Variants in SMYD3 observed in about 807,000 individuals in gnomAD.
SMYD3 encodes the protein histone-lysine N-methyltransferase SMYD3.
Under a neutral mutation model 57.7 loss-of-function variants are expected in SMYD3, and 36 were observed. That is an observed-to-expected ratio of 0.62 (90% CI 0.48 to 0.82). SMYD3 has a LOEUF of 0.82. SMYD3 is among the 40% of genes least tolerant of loss of function. The probability of loss-of-function intolerance (pLI) is 0.00; values close to 1 mark genes in which losing one functional copy is unlikely to be tolerated. For missense variants in SMYD3, 515 were observed against 538.8 expected, an observed-to-expected ratio of 0.96 and a Z score of 0.44; for synonymous variants, 211 against 195.0, an observed-to-expected ratio of 1.08 and a Z score of -0.68.
At position 245,904,749 on chromosome 1, in the gene SMYD3, G is replaced by A. The variant is rs574911330; in HGVS notation, c.813+10781C>T. 8.0e-4 allele frequency among the ~76,000 whole-genome samples: 122 copies of A among 152,160 alleles called. 1 individual carries two copies. The highest frequency in any genetic ancestry group is 2.8e-3 in the African/African-American group (115 of 41,538). ...ACTTAGGGGGCATGCGACATACTGA[G>A]GCACCAGCTGGGACAGCCGAGAGAG... On this transcript the variant is annotated intron_variant, in intron 8 of 11. Coordinates refer to ENST00000490107, the MANE Select transcript of SMYD3 (RefSeq NM_001167740.2).
Position 246,287,655 on chromosome 1 carries a change from T to G in SMYD3, c.531+39546A>C, listed in dbSNP as rs540235211. On this transcript the variant is annotated intron_variant, in intron 5 of 11. Coordinates refer to ENST00000490107, the MANE Select transcript of SMYD3 (RefSeq NM_001167740.2). ...AGTATAGTAATTAGATTTGGGGGGG[T>G]TTTGTGTGGTTCCTTACACCTGACC... Among the ~76,000 whole-genome samples, 105 of 152,064 alleles carry G rather than the reference T, an allele frequency of 6.9e-4. 1 individual carries two copies. The highest frequency in any genetic ancestry group is 5.2e-3 in the Admixed American group (79 of 15,274).
chr1:246,229,838 C>T (rs1362705052), intron 5 of SMYD3, among the ~76,000 whole-genome samples: 1 of 152,136 alleles, frequency 6.6e-6, no homozygotes, highest in African/African-American at 2.4e-5. Flanking sequence ...GAGGGACAAA[C>T]ATTCAAATCA....
At chr1:245,850,302 C>T (rs1256056234) in intron 10 of SMYD3, among the ~76,000 whole-genome samples, 2 of 152,158 alleles carry the variant, frequency 1.3e-5, no homozygotes, top group African/African-American at 2.4e-5. Flanking sequence ...GTATAAAGAA[C>T]CCGAAAGTGT....
intron 5 of SMYD3, among the ~76,000 whole-genome samples, chr1:246,275,264 A>T (rs1394638831): frequency 1.3e-5 from 2 of 152,252 alleles, no homozygotes; most frequent in Non-Finnish European, 2.9e-5. Flanking sequence ...GATACATACA[A>T]GAACGGCATG....
At chr1:245,897,767 C>T (rs12144459) in intron 8 of SMYD3, among the ~76,000 whole-genome samples, 1 of 151,864 alleles carries the variant, frequency 6.6e-6, no homozygotes, top group East Asian at 1.9e-4. Context: ...TGTGGTGGTG[C>T]GCGGCGCCTG....
intron 1 of SMYD3, among the ~76,000 whole-genome samples, chr1:246,410,765 C>T (rs2066952868): frequency 6.6e-6 from 1 of 152,034 alleles, no homozygotes; most frequent in South Asian, 2.1e-4. Flanking sequence ...CTCCTTGTAC[C>T]TCTGGTAGAA....
chr1:246,489,853 G>T (rs1393783942), intron 1 of SMYD3, among the ~76,000 whole-genome samples: 1 of 151,658 alleles, frequency 6.6e-6, no homozygotes, highest in Non-Finnish European at 1.5e-5. Flanking sequence ...TATTTTTTTT[G>T]AGACAGAGTC....
At chr1:245,898,481 G>C (rs998475472) in intron 8 of SMYD3, among the ~76,000 whole-genome samples, 1 of 152,236 alleles carries the variant, frequency 6.6e-6, no homozygotes, top group Middle Eastern at 3.2e-3. Flanking sequence ...GGCAACCTAT[G>C]AGTATGAAGT....
chr1:246,049,208 T>TGCTTCTTAGACTCTGC (rs1166122853), intron 5 of SMYD3, among the ~76,000 whole-genome samples: 1 of 152,164 alleles, frequency 6.6e-6, no homozygotes, highest in Non-Finnish European at 1.5e-5. Context: ...AACGACTCTG[T>TGCTTCTTAGACTCTGC]GCTTCTTAGA....
chr1:245,941,908 C>T (rs1398407889), intron 5 of SMYD3, among the ~76,000 whole-genome samples: 7 of 152,132 alleles, frequency 4.6e-5, no homozygotes, highest in Non-Finnish European at 8.8e-5. Context: ...AAATAAAATC[C>T]TTTTCACACA....
chr1:246,405,766 C>G (rs1336428854), intron 1 of SMYD3, among the ~76,000 whole-genome samples: 1 of 151,806 alleles, frequency 6.6e-6, no homozygotes, highest in East Asian at 1.9e-4. Flanking sequence ...AAAAATTAGC[C>G]GGGCGTGGTG....
At chr1:246,408,118 C>T (rs1020154982) in intron 1 of SMYD3, among the ~76,000 whole-genome samples, 3 of 151,904 alleles carry the variant, frequency 2.0e-5, no homozygotes, top group Non-Finnish European at 4.4e-5. Context: ...ATTACCTCCC[C>T]GAAGCACCAC....
At chr1:245,850,151 A>G (rs2148450563) in intron 10 of SMYD3, among the ~76,000 whole-genome samples, 1 of 152,334 alleles carries the variant, frequency 6.6e-6, no homozygotes, top group South Asian at 2.1e-4. Flanking sequence ...TCATGCTGTC[A>G]CAGGTCGCCC....
intron 5 of SMYD3, among the ~76,000 whole-genome samples, chr1:245,932,162 C>A (rs564265993): frequency 7.2e-4 from 109 of 152,228 alleles, no homozygotes; most frequent in Non-Finnish European, 7.6e-4. Flanking sequence ...AACAAAAAAA[C>A]CAGGTCAAAC....
At chr1:245,762,951 C>T (rs1435903322) in intron 11 of SMYD3, among the ~76,000 whole-genome samples, 1 of 152,144 alleles carries the variant, frequency 6.6e-6, no homozygotes, top group Non-Finnish European at 1.5e-5. Context: ...TCCATACAAC[C>T]CACCAGTGCC....
At chr1:246,464,427 G>C (rs1163643374) in intron 1 of SMYD3, among the ~76,000 whole-genome samples, 1 of 152,162 alleles carries the variant, frequency 6.6e-6, no homozygotes, top group Non-Finnish European at 1.5e-5. Context: ...TGAGGTGGGA[G>C]GCTCACTTCA....
chr1:246,265,862 A>G (rs1045560046), intron 5 of SMYD3, among the ~76,000 whole-genome samples: 5 of 152,204 alleles, frequency 3.3e-5, no homozygotes, highest in African/African-American at 9.6e-5. Flanking sequence ...ATCTCCTTAT[A>G]TTGACAATCT....
At chr1:245,869,147 T>C (rs2052036381) in intron 8 of SMYD3, among the ~76,000 whole-genome samples, 1 of 152,070 alleles carries the variant, frequency 6.6e-6, no homozygotes, top group East Asian at 1.9e-4. Flanking sequence ...GGAGCTTGAA[T>C]GGGTGAGTCC....
intron 1 of SMYD3, among the ~76,000 whole-genome samples, chr1:246,443,752 G>A (rs781215398): frequency 1.3e-5 from 2 of 152,168 alleles, no homozygotes; most frequent in Non-Finnish European, 2.9e-5. Flanking sequence ...ATAGTTTCCA[G>A]TATGGTATAT....
Sources: gnomAD v4.1 joint callset for allele counts (sites outside exome capture counted in the v4.1 genomes callset) on GRCh38, gnomAD v4.1.1 for gene constraint, MANE v1.5 for transcripts, NCBI Gene and HGNC (gene_info 2026-07-23, HGNC 2026-07-21) for gene names.